RNASE2: variants seen among roughly 807,000 people sequenced by gnomAD.
RNASE2 encodes the protein non-secretory ribonuclease.
For synonymous variants in RNASE2, 67 were observed against 68.9 expected, an observed-to-expected ratio of 0.97 and a Z score of 0.13; for missense variants, 170 against 197.9, an observed-to-expected ratio of 0.86 and a Z score of 0.85.
intron 1 of RNASE2, 110 bp from the exon 2 acceptor site, chr14:20,955,657 G>A (rs1386884604): frequency 7.1e-7 from 1 of 1,402,610 alleles, no homozygotes; most frequent in Non-Finnish European, 9.7e-7. Flanking sequence ...GGAAGTAAAG[G>A]AAATGGGACC....
chr14:20,956,377 T>G lies in RNASE2; in HGVS notation c.*120T>G. On this transcript the variant is annotated 3_prime_UTR_variant, in exon 2 of 2. Coordinates refer to ENST00000304625, the MANE Select transcript of RNASE2 (RefSeq NM_002934.3). ...CTGTCCTCATCAGTCTCCATACCCC[T>G]TCAGCTTTCCTGAGCTGAAGTGCCT... 1 of 1,425,792 alleles carries G rather than the reference T, an allele frequency of 7.0e-7. No individual in the cohort carries two copies. The highest frequency in any genetic ancestry group is 2.2e-5 in the Admixed American group (1 of 44,940). 88.3% of individuals were successfully genotyped at this position (1,425,792 alleles called of 1,614,324 possible).
Position 20,955,992 on chromosome 14 carries a change from C to A in RNASE2, c.221C>A (p.Thr74Asn). The change falls in exon 2 of 2, where the codon ACT (threonine) becomes AAT (asparagine). Residue 74 changes from threonine (T) to asparagine (N), a missense_variant. Transcript: ENST00000304625. ...CKNQNTFLLTTFANVVNVCGN... is the reference protein window; with the variant it reads ...CKNQNTFLLTNFANVVNVCGN... Reference sequence around the variant, plus strand: ...AACCAAAATACTTTCCTTCTTACAACTTTTGCTAACGTAGTTAATGTTTGT... The same window carrying A: ...AACCAAAATACTTTCCTTCTTACAAATTTTGCTAACGTAGTTAATGTTTGT... The A allele has an allele frequency of 1.2e-6, 2 of 1,614,212 alleles. No homozygotes were observed. The highest frequency in any genetic ancestry group is 1.7e-6 in the Non-Finnish European group (2 of 1,180,038).
Position 20,956,054 on chromosome 14 carries a change from C to T in RNASE2, c.283C>T (p.Arg95Cys). ...TATGACCTGTCCTAGTAACAAAACT[C>T]GCAAAAATTGTCACCACAGTGGAAG... is the stretch of plus-strand genomic sequence containing the variant. ...PNMTCPSNKT[R>C]KNCHHSGSQV... The change falls in exon 2 of 2, where the codon CGC (arginine) becomes TGC (cysteine). Residue 95 changes from arginine (R) to cysteine (C), a missense_variant. Arg to Cys is a radical substitution (Grantham distance 180). Transcript: ENST00000304625. 1 of 1,614,188 alleles carries T rather than the reference C, an allele frequency of 6.2e-7. No homozygotes were observed.
chr14:20,955,611 G>A (rs763312102), intron 1 of RNASE2, 75 bp downstream of exon 1: 142 of 928,468 alleles, frequency 1.5e-4, no homozygotes, highest in Middle Eastern at 1.0e-3. Context: ...GAGAGCTGAC[G>A]TTAGTGCTTA....
At chr14:20,955,719 T>C (rs1879185422) in intron 1 of RNASE2, 48 bp from the exon 2 acceptor site, 3 of 1,554,296 alleles carry the variant, frequency 1.9e-6, no homozygotes, top group Admixed American at 3.9e-5. Context: ...GTGTGTGTCA[T>C]AACCAAGACC....
Position 20,955,556 on chromosome 14 carries a change from A to G in RNASE2, c.-6+20A>G. 1 of 612,132 alleles carries G rather than the reference A, an allele frequency of 1.6e-6. No individual in the cohort carries two copies. Among genetic ancestry groups the G allele is most frequent in the Non-Finnish European group, 2.8e-6 (1 of 357,750 alleles). The allele number at this position is 612,132 out of a possible 1,614,324, so 37.9% of individuals were successfully genotyped here. A position where few individuals can be genotyped will look rare whatever the true frequency, so the allele number is the denominator to read the frequency against. ...GACTGGGTAAGTCAACGATCCCCAGAGCTGGGACAGAAGGGGCAGCAATGG... is the reference window on the plus strand; with the variant it reads ...GACTGGGTAAGTCAACGATCCCCAGGGCTGGGACAGAAGGGGCAGCAATGG... On this transcript the variant is annotated intron_variant, in intron 1 of 1. Coordinates refer to ENST00000304625, the MANE Select transcript of RNASE2 (RefSeq NM_002934.3).
chr14:20,955,795 C>A lies in RNASE2; in HGVS notation c.24C>A (p.Ser8=). ...ACATGGTTCCAAAACTGTTCACTTC[C>A]CAAATTTGTCTGCTTCTTCTGTTGG... MVPKLFT[S]QICLLLLLGL... is the part of the protein sequence containing the mutation. The change falls in exon 2 of 2, where the codon TCC becomes TCA. Residue 8 remains serine, a synonymous_variant. Transcript: ENST00000304625. The A allele has an allele frequency of 6.2e-7, 1 of 1,611,540 alleles. No homozygotes were observed. Among genetic ancestry groups the A allele is most frequent in the South Asian group, 1.1e-5 (1 of 90,604 alleles).
chr14:20,955,610 C>T (rs1265701629), intron 1 of RNASE2, 74 bp downstream of exon 1: 4 of 913,254 alleles, frequency 4.4e-6, no homozygotes, highest in Non-Finnish European at 6.7e-6. Flanking sequence ...AGAGAGCTGA[C>T]GTTAGTGCTT....
chr14:20,955,805 C>A lies in RNASE2; in HGVS notation c.34C>A (p.Leu12Met). ...VPKLFTSQIC[L>M]LLLLGLLAVE... is the part of the protein sequence containing the mutation. ...AAAACTGTTCACTTCCCAAATTTGT[C>A]TGCTTCTTCTGTTGGGGCTTCTGGC... Residue 12 changes from leucine (L) to methionine (M), a missense_variant, in exon 2 of 2, where the codon CTG (leucine) becomes ATG (methionine). Transcript: ENST00000304625. 2 of 1,611,724 alleles carry A rather than the reference C, an allele frequency of 1.2e-6. No homozygotes were observed. The highest frequency in any genetic ancestry group is 2.2e-5 in the East Asian group (1 of 44,844).
At chr14:20,955,742 A>T in intron 1 of RNASE2, 25 bp from the exon 2 acceptor site, 2 of 1,582,106 alleles carry the variant, frequency 1.3e-6, no homozygotes, top group Non-Finnish European at 1.7e-6. Context: ...ATCAGGGAGT[A>T]GTTACTTCTC....
In RNASE2 at chr14:20,955,882, G is replaced by T. The variant is rs45612840; in HGVS notation, c.111G>T (p.Trp37Cys). The change falls in exon 2 of 2, where the codon TGG becomes TGT. Residue 37 changes from tryptophan to cysteine, a missense_variant. Physicochemically the swap from Trp to Cys is radical, Grantham distance 215 (BLOSUM62 -2). Transcript: ENST00000304625. ...VKPPQFTWAQWFETQHINMTS... is the reference protein window; with the variant it reads ...VKPPQFTWAQCFETQHINMTS... Reference sequence around the variant, plus strand: ...CTCCACAGTTTACCTGGGCTCAATGGTTTGAAACCCAGCACATCAATATGA... The same window carrying T: ...CTCCACAGTTTACCTGGGCTCAATGTTTTGAAACCCAGCACATCAATATGA... The T allele has an allele frequency of 1.3e-3, 2,128 of 1,614,208 alleles. No homozygotes were observed. Among genetic ancestry groups the T allele is most frequent in the Non-Finnish European group, 1.7e-3 (1,974 of 1,180,038 alleles).
At chr14:20,955,724 A>G (rs1296043560) in intron 1 of RNASE2, 43 bp from the exon 2 acceptor site, 19 of 1,563,878 alleles carry the variant, frequency 1.2e-5, no homozygotes, top group Middle Eastern at 2.4e-4. Flanking sequence ...TGTCATAACC[A>G]AGACCCGATC....
At position 20,955,765 on chromosome 14, in the gene RNASE2, A is replaced by T; in HGVS notation, c.-5-2A>T. The T allele has an allele frequency of 3.8e-6, 6 of 1,599,310 alleles. No homozygotes were observed. The highest frequency in any genetic ancestry group is 5.1e-6 in the Non-Finnish European group (6 of 1,173,474). ...GTAGTTACTTCTCTTCTTTTCTTAC[A>T]GGAAACATGGTTCCAAAACTGTTCA... On this transcript the variant is annotated splice_acceptor_variant, in intron 1 of 1. Coordinates refer to ENST00000304625, the MANE Select transcript of RNASE2 (RefSeq NM_002934.3). LOFTEE classifies it low-confidence loss of function (5UTR_SPLICE).
chr14:20,956,213 C>T lies in RNASE2; in HGVS notation c.442C>T (p.Pro148Ser), dbSNP rs758930325. Residue 148 changes from proline to serine, a missense_variant, in exon 2 of 2, where the codon CCA becomes TCA. Pro to Ser is a moderately conservative substitution (Grantham distance 74). Transcript: ENST00000304625. ...CDNRDQRRDP[P>S]QYPVVPVHLD... ...CAACAGAGATCAACGACGAGACCCTCCACAGTATCCGGTGGTTCCAGTTCA... is the reference window on the plus strand; with the variant it reads ...CAACAGAGATCAACGACGAGACCCTTCACAGTATCCGGTGGTTCCAGTTCA... 6 of 1,614,202 alleles carry T rather than the reference C, an allele frequency of 3.7e-6. No homozygotes were observed. The Admixed American group carries it at 1.0e-4, about 27-fold the overall frequency.
Position 20,956,317 on chromosome 14 carries a change from G to A in RNASE2, c.*60G>A. The A allele has an allele frequency of 6.3e-7, 1 of 1,590,874 alleles. No individual in the cohort carries two copies. Among genetic ancestry groups the A allele is most frequent in the South Asian group, 1.2e-5 (1 of 86,368 alleles). ...TGCCAAGCTCCTCAATCATAGCCAA[G>A]ATCCCATCTCTCCATATACTTTGGG... On this transcript the variant is annotated 3_prime_UTR_variant, in exon 2 of 2. Coordinates refer to ENST00000304625, the MANE Select transcript of RNASE2 (RefSeq NM_002934.3).
At chr14:20,955,728 C>A (rs765604286) in intron 1 of RNASE2, 39 bp from the exon 2 acceptor site, 29 of 1,565,786 alleles carry the variant, frequency 1.9e-5, no homozygotes, top group Non-Finnish European at 2.4e-5. Flanking sequence ...ATAACCAAGA[C>A]CCGATCAGGG....
intron 1 of RNASE2, 73 bp from the exon 2 acceptor site, chr14:20,955,694 G>T: frequency 6.6e-7 from 1 of 1,523,346 alleles, no homozygotes; most frequent in South Asian, 1.3e-5. Context: ...GGGGCCTGTG[G>T]GGTAAGACAC....
Position 20,955,765 on chromosome 14 carries a change from A to G in RNASE2, c.-5-2A>G, listed in dbSNP as rs747186735. ...GTAGTTACTTCTCTTCTTTTCTTACAGGAAACATGGTTCCAAAACTGTTCA... is the reference window on the plus strand; with the variant it reads ...GTAGTTACTTCTCTTCTTTTCTTACGGGAAACATGGTTCCAAAACTGTTCA... On this transcript the variant is annotated splice_acceptor_variant, in intron 1 of 1. Coordinates refer to ENST00000304625, the MANE Select transcript of RNASE2 (RefSeq NM_002934.3). LOFTEE classifies it low-confidence loss of function (5UTR_SPLICE). 3.1e-6 allele frequency: 5 copies of G among 1,599,310 alleles called. No homozygotes were observed. Among genetic ancestry groups the G allele is most frequent in the Admixed American group, 1.7e-5 (1 of 57,716 alleles).
Position 20,956,306 on chromosome 14 carries a change from A to G in RNASE2, c.*49A>G, listed in dbSNP as rs374805523. On this transcript the variant is annotated 3_prime_UTR_variant, in exon 2 of 2. Transcript: ENST00000304625. ...CATCACTCATCTGCCAAGCTCCTCAATCATAGCCAAGATCCCATCTCTCCA... is the reference window on the plus strand; with the variant it reads ...CATCACTCATCTGCCAAGCTCCTCAGTCATAGCCAAGATCCCATCTCTCCA... The G allele has an allele frequency of 1.7e-4, 268 of 1,598,352 alleles. No individual in the cohort carries two copies. In the African/African-American group the frequency reaches 3.1e-3, roughly 18 times the overall value.
Sources: allele counts gnomAD v4.1 joint callset, GRCh38; gene constraint gnomAD v4.1.1; transcripts MANE v1.5; gene names NCBI Gene and HGNC (gene_info 2026-07-23, HGNC 2026-07-21).